Variants in GRID1 observed in about 807,000 individuals in gnomAD.
GRID1 encodes glutamate ionotropic receptor delta type subunit 1, also known as glutamate receptor ionotropic, delta-1.
Under a neutral mutation model 98.0 loss-of-function variants are expected in GRID1, and 28 were observed. The ratio of observed to expected loss-of-function variants is 0.29; its 90% CI spans 0.21 to 0.39. GRID1 has a LOEUF of 0.39. Among genes scored for constraint, GRID1 ranks in the 10% least tolerant of loss-of-function variants. The pLI is 1.00. For missense variants in GRID1, 1,111 were observed against 1,340.5 expected, an observed-to-expected ratio of 0.83 and a Z score of 2.67; for synonymous variants, 553 against 538.5, an observed-to-expected ratio of 1.03 and a Z score of -0.37.
At chr10:86,233,457 C>A (rs1021327990) in intron 2 of GRID1, among the ~76,000 whole-genome samples, 20 of 152,196 alleles carry the variant, frequency 1.3e-4, no homozygotes, top group African/African-American at 4.1e-4. Context: ...ACACTCCCAT[C>A]CCCTCTTGCT....
chr10:85,726,277 G>A (rs1213200038), intron 10 of GRID1, among the ~76,000 whole-genome samples: 1 of 151,850 alleles, frequency 6.6e-6, no homozygotes, highest in Non-Finnish European at 1.5e-5. Flanking sequence ...TTCTTAGGTA[G>A]CTCAAGAAGA....
chr10:85,916,361 G>T lies in GRID1; in HGVS notation c.727-122C>A. On this transcript the variant is annotated intron_variant, in intron 4 of 15. Coordinates refer to ENST00000327946, the MANE Select transcript of GRID1 (RefSeq NM_017551.3). This position sits in a 1 kb window ranked among gnomAD's most constrained non-coding sequence, Gnocchi z 4.0. ...GGAGAATATTTTCCTCACAAAACAT[G>T]CCATCCCCCTGGGGCCTGCTCTGGC... 1.2e-6 allele frequency: 1 copy of T among 810,568 alleles called. No individual in the cohort carries two copies. Among genetic ancestry groups the T allele is most frequent in the South Asian group, 1.5e-5 (1 of 67,746 alleles). 50.2% of individuals were successfully genotyped at this position (810,568 alleles called of 1,614,324 possible). A position where few individuals can be genotyped will look rare whatever the true frequency, so the allele number is the denominator to read the frequency against.
At chr10:86,115,088 G>T (rs544618310) in intron 4 of GRID1, among the ~76,000 whole-genome samples, 35 of 152,330 alleles carry the variant, frequency 2.3e-4, no homozygotes, top group Non-Finnish European at 2.4e-4. Flanking sequence ...CGGGGGCTAT[G>T]AAAGGTAACA....
At chr10:85,812,058 G>C (rs1842676617) in intron 8 of GRID1, among the ~76,000 whole-genome samples, 1 of 152,172 alleles carries the variant, frequency 6.6e-6, no homozygotes, top group African/African-American at 2.4e-5. Flanking sequence ...TATAGAAAGT[G>C]CTGAAAGAAA....
At chr10:85,925,203 T>A (rs1841758362) in intron 4 of GRID1, among the ~76,000 whole-genome samples, 1 of 152,172 alleles carries the variant, frequency 6.6e-6, no homozygotes, top group Non-Finnish European at 1.5e-5. Flanking sequence ...AGAAACCAAA[T>A]AAGGCCCCCC....
intron 3 of GRID1, among the ~76,000 whole-genome samples, chr10:86,196,019 T>A (rs1226806381): frequency 2.6e-5 from 4 of 151,962 alleles, no homozygotes; most frequent in African/African-American, 9.7e-5. Flanking sequence ...ATGCCTCACA[T>A]CAGAAGAGGA....
intron 12 of GRID1, among the ~76,000 whole-genome samples, chr10:85,707,121 T>C (rs1182248010): frequency 3.3e-5 from 5 of 152,108 alleles, no homozygotes; most frequent in South Asian, 2.1e-4. Context: ...TGGGATCTAA[T>C]TAAACTAAAT....
At chr10:85,708,058 A>G (rs1841540793) in intron 12 of GRID1, among the ~76,000 whole-genome samples, 2 of 151,578 alleles carry the variant, frequency 1.3e-5, no homozygotes, top group African/African-American at 2.4e-5. Context: ...GCACATGTGT[A>G]TATATATAAC....
intron 6 of GRID1, among the ~76,000 whole-genome samples, chr10:85,856,670 C>G (rs1455708750): frequency 1.3e-5 from 2 of 152,216 alleles, no homozygotes; most frequent in Non-Finnish European, 2.9e-5. Flanking sequence ...GCTTAGTAGT[C>G]TCTTTTGCAA....
At chr10:86,107,321 T>C (rs1321634563) in intron 4 of GRID1, among the ~76,000 whole-genome samples, 1 of 152,100 alleles carries the variant, frequency 6.6e-6, no homozygotes, top group East Asian at 1.9e-4. Flanking sequence ...CTGCTGGAGG[T>C]GTGCCCTGAT....
intron 5 of GRID1, among the ~76,000 whole-genome samples, chr10:85,882,639 G>T (rs988782021): frequency 2.0e-5 from 3 of 152,148 alleles, no homozygotes; most frequent in Non-Finnish European, 4.4e-5. Context: ...GGGGGAGGGG[G>T]AAGGGATAGC....
intron 13 of GRID1, among the ~76,000 whole-genome samples, chr10:85,626,023 C>T (rs1033541994): frequency 6.6e-6 from 1 of 152,170 alleles, no homozygotes; most frequent in Admixed American, 6.5e-5. Flanking sequence ...CTGCTCCCCC[C>T]AAATGAGAAT....
intron 4 of GRID1, among the ~76,000 whole-genome samples, chr10:85,952,283 A>G (rs1440418929): frequency 6.6e-6 from 1 of 152,240 alleles, no homozygotes; most frequent in Non-Finnish European, 1.5e-5. Context: ...ATGAGGAAGC[A>G]AACTCCTAGA....
chr10:85,910,662 T>TG (rs1298805959), intron 5 of GRID1, among the ~76,000 whole-genome samples: 2 of 152,130 alleles, frequency 1.3e-5, no homozygotes, highest in Non-Finnish European at 2.9e-5. Flanking sequence ...GGGTGGCAGA[T>TG]GGGGGGTCTC....
chr10:85,776,885 C>A lies in GRID1; in HGVS notation c.1234-47271G>T, dbSNP rs561816269. 2.4e-3 allele frequency among the ~76,000 whole-genome samples: 365 copies of A among 152,316 alleles called. 3 individuals are homozygous for A. The highest frequency in any genetic ancestry group is 8.4e-3 in the African/African-American group (351 of 41,572). On this transcript the variant is annotated intron_variant, in intron 8 of 15. Transcript: ENST00000327946. ...AGTCCTTGTGTGGCTTGCTCACTAG[C>A]CAAGCTTTCTGGGGACACAGGGAGG...
At chr10:86,188,925 G>A (rs961955384) in intron 3 of GRID1, among the ~76,000 whole-genome samples, 6 of 152,156 alleles carry the variant, frequency 3.9e-5, no homozygotes, top group African/African-American at 9.7e-5. Flanking sequence ...GAGCCACAGC[G>A]GGAACCAAGT....
intron 12 of GRID1, among the ~76,000 whole-genome samples, chr10:85,697,900 T>A (rs1434090207): frequency 6.6e-6 from 1 of 152,276 alleles, no homozygotes; most frequent in East Asian, 1.9e-4. Flanking sequence ...GAGACTTCAC[T>A]TATGCCAGCG....
Position 86,363,993 on chromosome 10 carries a change from G to A in GRID1, c.183C>T (p.Thr61=). ...NDDILQSEKI[T]YSIKVIEANN... ...TGGCCTCGATGACCTTGATGGAGTA[G>A]GTGATCTTCTCGCTCTGCAGGATGT... Residue 61 remains threonine, a synonymous_variant, in exon 2 of 16, where the codon ACC becomes ACT. Transcript: ENST00000327946. The A allele has an allele frequency of 3.1e-6, 5 of 1,614,074 alleles. No homozygotes were observed. In the South Asian group the frequency reaches 4.4e-5, roughly 14 times the overall value.
At chr10:85,882,216 G>A (rs1163861938) in intron 5 of GRID1, among the ~76,000 whole-genome samples, 5 of 152,280 alleles carry the variant, frequency 3.3e-5, no homozygotes, top group African/African-American at 4.8e-5. Flanking sequence ...TCAGTGTGGC[G>A]ATTCCTCAGG....
Sources: gnomAD v4.1 joint callset for allele counts (sites outside exome capture counted in the v4.1 genomes callset) on GRCh38, gnomAD v4.1.1 for gene constraint, Gnocchi (gnomAD v3.1) non-coding constraint, MANE v1.5 for transcripts, NCBI Gene and HGNC (gene_info 2026-07-23, HGNC 2026-07-21) for gene names.